Variants in SMIM1 observed in about 807,000 individuals in gnomAD.
The protein encoded by SMIM1 is small integral membrane protein 1 (Vel blood group), also known as small integral membrane protein 1.
SMIM1 carries 7 observed loss-of-function variants against 7.7 expected under a neutral mutation model. That is an observed-to-expected ratio of 0.91 (90% CI 0.52 to 1.71). The LOEUF (loss-of-function observed/expected upper bound fraction) is 1.71. Ranked by LOEUF, SMIM1 falls within the 40% of genes most tolerant of loss-of-function variation. The pLI is 0.00. For synonymous variants in SMIM1, 41 were observed against 42.7 expected, an observed-to-expected ratio of 0.96 and a Z score of 0.16; for missense variants, 95 against 102.8, an observed-to-expected ratio of 0.92 and a Z score of 0.33.
Position 3,775,337 on chromosome 1 carries a change from C to G in SMIM1, c.-37C>G, listed in dbSNP as rs368765485. 1.2e-5 allele frequency: 18 copies of G among 1,506,734 alleles called. No individual in the cohort carries two copies. Among genetic ancestry groups the G allele is most frequent in the Non-Finnish European group, 1.6e-5 (18 of 1,116,650 alleles). The allele number at this position is 1,506,734 out of a possible 1,614,324, so 93.3% of individuals were successfully genotyped here. ...TGGCCACCTGTCTTGATCTCCCCAC[C>G]GAGAAGGCCCCGCCCCTCCCGCTGC... On this transcript the variant is annotated 5_prime_UTR_variant, in exon 3 of 4. Coordinates refer to ENST00000642557, the MANE Select transcript of SMIM1 (RefSeq NM_001288583.2). The surrounding 1 kb of genome is among the most constrained non-coding windows in gnomAD (Gnocchi z 5.3).
intron 2 of SMIM1, among the ~76,000 whole-genome samples, chr1:3,774,594 G>A (rs1410017669): frequency 6.6e-6 from 1 of 152,160 alleles, no homozygotes; most frequent in Non-Finnish European, 1.5e-5. Context: ...TGGCCTTGGG[G>A]CCGGGCCCCT....
rs940749975 is a variant in SMIM1, at chr1:3,775,671, C to T, written c.111-124C>T. 4.3e-6 allele frequency: 6 copies of T among 1,395,936 alleles called. No homozygotes were observed. In the South Asian group the frequency reaches 5.8e-5, roughly 14 times the overall value. 86.5% of individuals were successfully genotyped at this position (1,395,936 alleles called of 1,614,324 possible). On this transcript the variant is annotated intron_variant, in intron 3 of 3. Transcript: ENST00000642557. This position sits in a 1 kb window ranked among gnomAD's most constrained non-coding sequence, Gnocchi z 5.3. ...GGTTGGCTGTGGGCGGGGAGAGCTT[C>T]CTCTTGACTCCAGCAGAGCGCCCAG...
chr1:3,773,549 T>C (rs1195761330), intron 2 of SMIM1, among the ~76,000 whole-genome samples: 1 of 152,040 alleles, frequency 6.6e-6, no homozygotes, highest in Non-Finnish European at 1.5e-5. Context: ...TGCTGTGGAC[T>C]TGGAGCCTCA....
In SMIM1 at chr1:3,773,498, TGGGCTTGACCCCTCCCACC is replaced by T. The variant is rs1306020162; in HGVS notation, c.-76+321_-76+339del. Among the ~76,000 whole-genome samples the T allele has an allele frequency of 2.6e-5, 4 of 152,274 alleles. No homozygotes were observed. The East Asian group carries it at 7.7e-4, about 29-fold the overall frequency. On this transcript the variant is annotated intron_variant, in intron 2 of 3. Transcript: ENST00000642557. The stretch of plus-strand genomic sequence containing the variant: ...CCCATGATCCCAGAGTTGAACACAC[TGGGCTTGACCCCTCCCACC>T]GGGAGGCCCATGGTGGGCTGCTGCT...
Position 3,774,047 on chromosome 1 carries a change from G to A in SMIM1, c.-76+866G>A, listed in dbSNP as rs115651829. Among the ~76,000 whole-genome samples, 677 of 152,316 alleles carry A rather than the reference G, an allele frequency of 4.4e-3. 1 individual carries two copies. The highest frequency in any genetic ancestry group is 0.016 in the African/African-American group (647 of 41,574). ...GGGGGAAGGCAGACATGGAAGTGCCGGGAGTCTCAGAACTGCCTGGGGCCT... is the reference window on the plus strand; with the variant it reads ...GGGGGAAGGCAGACATGGAAGTGCCAGGAGTCTCAGAACTGCCTGGGGCCT... On this transcript the variant is annotated intron_variant, in intron 2 of 3. Coordinates refer to ENST00000642557, the MANE Select transcript of SMIM1 (RefSeq NM_001288583.2).
chr1:3,774,632 C>G (rs1369986584), intron 2 of SMIM1, among the ~76,000 whole-genome samples: 1 of 152,142 alleles, frequency 6.6e-6, no homozygotes, highest in Non-Finnish European at 1.5e-5. Context: ...CCCAGCCCTA[C>G]GACCCTCCTG....
chr1:3,775,479 C>T lies in SMIM1; in HGVS notation c.106C>T (p.Arg36Cys), dbSNP rs899095555. ...CAGCACAGAAGAGGCCTCACGCTGC[C>T]GCAGGTGAGGGGCCTGAGGGCAGCC... ...VSSTEEASRC[R>C]RISQRLCTGK... The change falls in exon 3 of 4, where the codon CGC becomes TGC. Residue 36 changes from arginine to cysteine, a missense_variant. Physicochemically the swap from Arg to Cys is radical, Grantham distance 180. Coordinates refer to ENST00000642557, the MANE Select transcript of SMIM1 (RefSeq NM_001288583.2). The surrounding 1 kb of genome is among the most constrained non-coding windows in gnomAD (Gnocchi z 5.3). The T allele has an allele frequency of 1.4e-5, 22 of 1,549,226 alleles. No individual in the cohort carries two copies. Among genetic ancestry groups the T allele is most frequent in the Middle Eastern group, 1.7e-4 (1 of 5,802 alleles).
chr1:3,774,418 C>T (rs1031800176), intron 2 of SMIM1, among the ~76,000 whole-genome samples: 3 of 152,128 alleles, frequency 2.0e-5, no homozygotes, highest in African/African-American at 2.4e-5. Flanking sequence ...GCTTAGAGTC[C>T]GGGCTGGCTC....
chr1:3,775,484 G>T lies in SMIM1; in HGVS notation c.110+1G>T, dbSNP rs1189751905. ...CAGAAGAGGCCTCACGCTGCCGCAG[G>T]TGAGGGGCCTGAGGGCAGCCTGCCA... On this transcript the variant is annotated splice_donor_variant, in intron 3 of 3. Coordinates refer to ENST00000642557, the MANE Select transcript of SMIM1 (RefSeq NM_001288583.2). LOFTEE classifies it high-confidence loss of function. The surrounding 1 kb of genome is among the most constrained non-coding windows in gnomAD (Gnocchi z 5.3). The T allele has an allele frequency of 6.5e-7, 1 of 1,549,114 alleles. No individual in the cohort carries two copies. The highest frequency in any genetic ancestry group is 1.2e-5 in the South Asian group (1 of 83,944).
Position 3,775,573 on chromosome 1 carries a change from A to G in SMIM1, c.110+90A>G. ...CCTAACCCCTGCTACCGGCCCCATC[A>G]CCCTCCACCCCATCCTGGCTGGGAG... On this transcript the variant is annotated intron_variant, in intron 3 of 3. Coordinates refer to ENST00000642557, the MANE Select transcript of SMIM1 (RefSeq NM_001288583.2). The surrounding 1 kb of genome is among the most constrained non-coding windows in gnomAD (Gnocchi z 5.3). The G allele has an allele frequency of 7.7e-7, 1 of 1,307,130 alleles. No homozygotes were observed. Among genetic ancestry groups the G allele is most frequent in the South Asian group, 1.4e-5 (1 of 72,232 alleles). The allele number at this position is 1,307,130 out of a possible 1,614,324, so 81.0% of individuals were successfully genotyped here. A position where few individuals can be genotyped will look rare whatever the true frequency, so the allele number is the denominator to read the frequency against.
At chr1:3,773,705 C>T (rs1386532523) in intron 2 of SMIM1, among the ~76,000 whole-genome samples, 1 of 152,210 alleles carries the variant, frequency 6.6e-6, no homozygotes. Flanking sequence ...CCCTGCTGCA[C>T]CCTGGCTCCT....
chr1:3,775,837 G>T lies in SMIM1; in HGVS notation c.153G>T (p.Met51Ile). ...GCACGGGCAAGCTGGGCATCGCCATGAAGGTGCTGGGCGGCGTGGCCCTCT... is the reference window on the plus strand; with the variant it reads ...GCACGGGCAAGCTGGGCATCGCCATTAAGGTGCTGGGCGGCGTGGCCCTCT... ...RLCTGKLGIA[M>I]KVLGGVALFW... The change falls in exon 4 of 4, where the codon ATG becomes ATT. Residue 51 changes from methionine (M) to isoleucine (I), a missense_variant. By Grantham distance (10) the Met-to-Ile change is conservative. Transcript: ENST00000642557. This position sits in a 1 kb window ranked among gnomAD's most constrained non-coding sequence, Gnocchi z 5.3. 1 of 1,550,948 alleles carries T rather than the reference G, an allele frequency of 6.4e-7. No homozygotes were observed. The highest frequency in any genetic ancestry group is 8.7e-7 in the Non-Finnish European group (1 of 1,146,930).
chr1:3,774,603 C>A (rs1414548885), intron 2 of SMIM1, among the ~76,000 whole-genome samples: 1 of 152,174 alleles, frequency 6.6e-6, no homozygotes, highest in Non-Finnish European at 1.5e-5. Flanking sequence ...GGCCGGGCCC[C>A]TCCTGCTCTG....
At chr1:3,774,379 C>T (rs1175428078) in intron 2 of SMIM1, among the ~76,000 whole-genome samples, 2 of 152,194 alleles carry the variant, frequency 1.3e-5, no homozygotes, top group South Asian at 2.1e-4. Flanking sequence ...AATAGGAGGT[C>T]GAAACAGAGG....
chr1:3,775,055 T>G lies in SMIM1; in HGVS notation c.-75-244T>G, dbSNP rs1570730002. The stretch of plus-strand genomic sequence containing the variant: ...GGGAAGGGAGGCTCCTGGAGTGTGC[T>G]GGAAGGAAACACTGGCCTCCCACAT... On this transcript the variant is annotated intron_variant, in intron 2 of 3. Coordinates refer to ENST00000642557, the MANE Select transcript of SMIM1 (RefSeq NM_001288583.2). This position sits in a 1 kb window ranked among gnomAD's most constrained non-coding sequence, Gnocchi z 5.3. Among the ~76,000 whole-genome samples, 2 of 152,100 alleles carry G rather than the reference T, an allele frequency of 1.3e-5. No homozygotes were observed.
chr1:3,773,622 G>A (rs763164830), intron 2 of SMIM1, among the ~76,000 whole-genome samples: 1 of 152,178 alleles, frequency 6.6e-6, no homozygotes, highest in African/African-American at 2.4e-5. Flanking sequence ...AGCTCCAGCA[G>A]CTCCAGCCAT....
Position 3,775,636 on chromosome 1 carries a change from C to A in SMIM1, c.110+153C>A. 1 of 1,311,110 alleles carries A rather than the reference C, an allele frequency of 7.6e-7. No homozygotes were observed. The highest frequency in any genetic ancestry group is 1.0e-6 in the Non-Finnish European group (1 of 978,166). The allele number at this position is 1,311,110 out of a possible 1,614,324, so 81.2% of individuals were successfully genotyped here. A position where few individuals can be genotyped will look rare whatever the true frequency, so the allele number is the denominator to read the frequency against. On this transcript the variant is annotated intron_variant, in intron 3 of 3. Transcript: ENST00000642557. The surrounding 1 kb of genome is among the most constrained non-coding windows in gnomAD (Gnocchi z 5.3). ...CAGCTCAGCAAACCGCAGCCTTTGG[C>A]CTTCCCTCTGGTTGGCTGTGGGCGG... is the stretch of plus-strand genomic sequence containing the variant.
At position 3,775,544 on chromosome 1, in the gene SMIM1, C is replaced by T. The variant is rs1643445498; in HGVS notation, c.110+61C>T. On this transcript the variant is annotated intron_variant, in intron 3 of 3. Transcript: ENST00000642557. This position sits in a 1 kb window ranked among gnomAD's most constrained non-coding sequence, Gnocchi z 5.3. ...GGCTGGTGTCTCCCTCCAGAGACGC[C>T]TGCCCTAACCCCTGCTACCGGCCCC... is the stretch of plus-strand genomic sequence containing the variant. The T allele has an allele frequency of 8.4e-6, 12 of 1,433,188 alleles. No individual in the cohort carries two copies. The highest frequency in any genetic ancestry group is 1.1e-5 in the Non-Finnish European group (12 of 1,054,488). 88.8% of individuals were successfully genotyped at this position (1,433,188 alleles called of 1,614,324 possible).
chr1:3,775,759 G>T lies in SMIM1; in HGVS notation c.111-36G>T, dbSNP rs1321133411. On this transcript the variant is annotated intron_variant, in intron 3 of 3. Coordinates refer to ENST00000642557, the MANE Select transcript of SMIM1 (RefSeq NM_001288583.2). The surrounding 1 kb of genome is among the most constrained non-coding windows in gnomAD (Gnocchi z 5.3). ...CTTAGGGGGCCCCTCATGCGGCCCTGGCCTGGGGCTCACCTCCAGTTGGTT... is the reference window on the plus strand; with the variant it reads ...CTTAGGGGGCCCCTCATGCGGCCCTTGCCTGGGGCTCACCTCCAGTTGGTT... 1 of 1,543,724 alleles carries T rather than the reference G, an allele frequency of 6.5e-7. No homozygotes were observed. Among genetic ancestry groups the T allele is most frequent in the Non-Finnish European group, 8.7e-7 (1 of 1,145,050 alleles).
Sources: allele counts gnomAD v4.1 joint callset (sites outside exome capture counted in the v4.1 genomes callset), GRCh38; gene constraint gnomAD v4.1.1; non-coding constraint Gnocchi (gnomAD v3.1); transcripts MANE v1.5; gene names NCBI Gene and HGNC (gene_info 2026-07-23, HGNC 2026-07-21).